The following SPOCK1 variants were observed in gnomAD, a reference collection of about 807,000 sequenced individuals.
SPOCK1 encodes the protein SPARC (osteonectin), cwcv and kazal like domains proteoglycan 1.
SPOCK1 carries 23 observed loss-of-function variants against 55.3 expected under a neutral mutation model. The ratio of observed to expected loss-of-function variants is 0.42; its 90% CI spans 0.30 to 0.59. SPOCK1 has a LOEUF of 0.59. SPOCK1 is among the 20% of genes least tolerant of loss of function. The pLI is 0.22. For missense variants in SPOCK1, 499 were observed against 552.5 expected, an observed-to-expected ratio of 0.90 and a Z score of 0.97; for synonymous variants, 226 against 221.0, an observed-to-expected ratio of 1.02 and a Z score of -0.20.
At chr5:137,431,855 C>T (rs1236262351) in intron 2 of SPOCK1, among the ~76,000 whole-genome samples, 1 of 152,176 alleles carries the variant, frequency 6.6e-6, no homozygotes, top group African/African-American at 2.4e-5. Flanking sequence ...GCTAAATAAG[C>T]CTCTTTTCTT....
chr5:137,036,688 C>A (rs188026072), intron 6 of SPOCK1, among the ~76,000 whole-genome samples: 1 of 152,204 alleles, frequency 6.6e-6, no homozygotes, highest in Non-Finnish European at 1.5e-5. Flanking sequence ...TTTTACAGGA[C>A]GGTAAGGCCG....
intron 6 of SPOCK1, among the ~76,000 whole-genome samples, chr5:137,056,019 G>A (rs1469147895): frequency 2.6e-5 from 4 of 152,150 alleles, no homozygotes; most frequent in African/African-American, 4.8e-5. Flanking sequence ...AAAATCTCAA[G>A]TACATAAATG....
intron 3 of SPOCK1, among the ~76,000 whole-genome samples, chr5:137,261,911 C>A (rs1328935684): frequency 6.6e-6 from 1 of 152,182 alleles, no homozygotes; most frequent in East Asian, 1.9e-4. Context: ...AGCAGAGAAC[C>A]TGTTAGTGTT....
At chr5:137,262,677 A>T (rs1756768944) in intron 3 of SPOCK1, among the ~76,000 whole-genome samples, 1 of 152,246 alleles carries the variant, frequency 6.6e-6, no homozygotes, top group Admixed American at 6.5e-5. Context: ...TTCAGCTCCA[A>T]TAATGGGGAT....
intron 3 of SPOCK1, among the ~76,000 whole-genome samples, chr5:137,230,443 G>A: frequency 6.6e-6 from 1 of 152,226 alleles, no homozygotes; most frequent in African/African-American, 2.4e-5. Context: ...CATAGGTAAT[G>A]TTTATTTTAT....
intron 2 of SPOCK1, among the ~76,000 whole-genome samples, chr5:137,470,992 T>C (rs1753728165): frequency 1.3e-5 from 2 of 152,204 alleles, no homozygotes; most frequent in Non-Finnish European, 2.9e-5. Context: ...TTCTTTTTCA[T>C]AGGGTTGTTG....
chr5:137,111,590 T>C (rs115624694), intron 5 of SPOCK1, among the ~76,000 whole-genome samples: 405 of 152,270 alleles, frequency 2.7e-3, no homozygotes, highest in African/African-American at 9.5e-3. Context: ...ATGATTTCCC[T>C]TTAGTTCATT....
At chr5:137,032,508 C>T (rs144970547) in intron 6 of SPOCK1, among the ~76,000 whole-genome samples, 3 of 151,938 alleles carry the variant, frequency 2.0e-5, no homozygotes, top group Admixed American at 6.6e-5. Flanking sequence ...GGCAGTGCAG[C>T]GGGGAAGCTG....
intron 3 of SPOCK1, among the ~76,000 whole-genome samples, chr5:137,147,712 T>C (rs908731399): frequency 2.0e-5 from 3 of 152,112 alleles, no homozygotes; most frequent in Non-Finnish European, 4.4e-5. Context: ...AATACAGACA[T>C]CCTAGGAATT....
rs73790695 is a variant in SPOCK1, at chr5:137,124,262, C to T, written c.348-11701G>A. 2.7e-3 allele frequency among the ~76,000 whole-genome samples: 415 copies of T among 152,330 alleles called. 3 individuals carry two copies. Among genetic ancestry groups the T allele is most frequent in the African/African-American group, 9.2e-3 (382 of 41,576 alleles). On this transcript the variant is annotated intron_variant, in intron 4 of 10. Coordinates refer to ENST00000394945, the MANE Select transcript of SPOCK1 (RefSeq NM_004598.4). ...TGGGCTCCCACATGGCAGAGAGCAG[C>T]AGCTGCAGGCCTGAGCCCCTCTCAG... is the stretch of plus-strand genomic sequence containing the variant.
intron 6 of SPOCK1, among the ~76,000 whole-genome samples, chr5:137,043,310 T>A (rs964080322): frequency 1.2e-4 from 18 of 152,230 alleles, no homozygotes; most frequent in African/African-American, 4.3e-4. Context: ...ATACATGCTT[T>A]AAGAAACAAA....
chr5:137,454,693 A>T (rs1407808469), intron 2 of SPOCK1, among the ~76,000 whole-genome samples: 1 of 152,216 alleles, frequency 6.6e-6, no homozygotes, highest in Non-Finnish European at 1.5e-5. Flanking sequence ...AAGTTACATG[A>T]TTGGCATGAT....
At chr5:137,336,738 G>C (rs1281920123) in intron 2 of SPOCK1, among the ~76,000 whole-genome samples, 2 of 152,176 alleles carry the variant, frequency 1.3e-5, no homozygotes, top group Non-Finnish European at 2.9e-5. Flanking sequence ...TCCAAAGGAG[G>C]CTTGGATAAA....
At chr5:137,233,148 G>C (rs923775853) in intron 3 of SPOCK1, among the ~76,000 whole-genome samples, 1 of 152,146 alleles carries the variant, frequency 6.6e-6, no homozygotes, top group Non-Finnish European at 1.5e-5. Context: ...ATGGACCAGG[G>C]GAGGGGCAGG....
At chr5:137,096,816 G>C (rs1442926890) in intron 5 of SPOCK1, among the ~76,000 whole-genome samples, 4 of 152,132 alleles carry the variant, frequency 2.6e-5, no homozygotes, top group Admixed American at 2.6e-4. Flanking sequence ...ACCCCTCCCA[G>C]GTTAGTGTGA....
chr5:136,983,696 TATAGCTG>T (rs1446989082), intron 9 of SPOCK1, among the ~76,000 whole-genome samples: 1 of 152,114 alleles, frequency 6.6e-6, no homozygotes, highest in African/African-American at 2.4e-5. Context: ...ATGCAATAAT[TATAGCTG>T]ATAATAATTT....
rs148854746 is a variant in SPOCK1, at chr5:137,332,982, T to C, written c.187-65927A>G. Among the ~76,000 whole-genome samples the C allele has an allele frequency of 5.2e-3, 787 of 152,194 alleles. 10 individuals carry two copies. Among genetic ancestry groups the C allele is most frequent in the African/African-American group, 0.014 (594 of 41,520 alleles). ...AACTCTAAAAAGTGGCACAGATTGA[T>C]AGATGTCAAAAGCCAGAGCAGCATA... is the stretch of plus-strand genomic sequence containing the variant. On this transcript the variant is annotated intron_variant, in intron 2 of 10. Transcript: ENST00000394945.
intron 3 of SPOCK1, among the ~76,000 whole-genome samples, chr5:137,216,722 C>T (rs1373079079): frequency 6.6e-6 from 1 of 151,816 alleles, no homozygotes; most frequent in East Asian, 1.9e-4. Flanking sequence ...AAAAAAAGGG[C>T]TCATGCAATA....
intron 7 of SPOCK1, among the ~76,000 whole-genome samples, chr5:136,991,171 G>A (rs1223733964): frequency 4.6e-5 from 7 of 152,024 alleles, no homozygotes; most frequent in Admixed American, 4.6e-4. Flanking sequence ...GCAAGCAGCT[G>A]CTCTCCTCAC....
Sources: gnomAD v4.1 joint callset for allele counts (sites outside exome capture counted in the v4.1 genomes callset) on GRCh38, gnomAD v4.1.1 for gene constraint, MANE v1.5 for transcripts, NCBI Gene and HGNC (gene_info 2026-07-23, HGNC 2026-07-21) for gene names.